COL26A1: variants seen among roughly 807,000 people sequenced by gnomAD.
COL26A1 encodes the protein collagen alpha-1(XXVI) chain.
A neutral mutation model predicts 59.3 loss-of-function variants in COL26A1; 41 were observed. The observed-to-expected ratio is 0.69, with a 90% CI of 0.54 to 0.90. The LOEUF (loss-of-function observed/expected upper bound fraction) is 0.90, where lower values mean the gene tolerates loss of function less well. COL26A1 is among the 40% of genes least tolerant of loss of function. The pLI is 0.00. For missense variants in COL26A1, 612 were observed against 602.3 expected, an observed-to-expected ratio of 1.02 and a Z score of -0.17; for synonymous variants, 266 against 256.0, an observed-to-expected ratio of 1.04 and a Z score of -0.37.
chr7:101,523,803 C>T (rs547797285), intron 3 of COL26A1, among the ~76,000 whole-genome samples: 2 of 151,946 alleles, frequency 1.3e-5, no homozygotes, highest in South Asian at 4.2e-4. Flanking sequence ...TACTTTTGTT[C>T]TTCTTCAAGA....
chr7:101,513,738 G>A (rs1794973054), intron 3 of COL26A1, among the ~76,000 whole-genome samples: 1 of 152,182 alleles, frequency 6.6e-6, no homozygotes, highest in Non-Finnish European at 1.5e-5. Flanking sequence ...TGTGCAATAT[G>A]TGGAGTTAAA....
intron 3 of COL26A1, among the ~76,000 whole-genome samples, chr7:101,489,866 CTTT>C (rs1794408788): frequency 1.9e-5 from 1 of 52,432 alleles, no homozygotes; most frequent in African/African-American, 6.7e-5. Context: ...TTCTTTCTTT[CTTT>C]CTTTCTTTCT....
intron 10 of COL26A1, among the ~76,000 whole-genome samples, chr7:101,551,678 A>C (rs1480508280): frequency 6.6e-6 from 1 of 151,916 alleles, no homozygotes; most frequent in East Asian, 1.9e-4. Context: ...ACCCGGAGGC[A>C]GAGGTTGCAG....
chr7:101,540,316 T>A (rs1391764054), intron 5 of COL26A1, among the ~76,000 whole-genome samples: 1 of 151,984 alleles, frequency 6.6e-6, no homozygotes, highest in African/African-American at 2.4e-5. Flanking sequence ...GAAGGGTGGA[T>A]CATTTGAGGT....
chr7:101,403,062 T>A (rs921552119), intron 1 of COL26A1, among the ~76,000 whole-genome samples: 1 of 152,000 alleles, frequency 6.6e-6, no homozygotes, highest in African/African-American at 2.4e-5. Flanking sequence ...CAGGCTGGTC[T>A]CAAATTCCTG....
intron 3 of COL26A1, among the ~76,000 whole-genome samples, chr7:101,452,618 G>T (rs1279466171): frequency 3.3e-5 from 5 of 152,072 alleles, no homozygotes; most frequent in African/African-American, 1.2e-4. Flanking sequence ...TAGGCTAGAT[G>T]GTCTAGCCTA....
rs549445010 is a variant in COL26A1, at chr7:101,533,204, G to A, written c.447+61G>A. ...GCCTGGGGACCTTGGGTGGTGGAGGGAGGCATCAGGCAACCACTGGGTGTG... is the reference window on the plus strand; with the variant it reads ...GCCTGGGGACCTTGGGTGGTGGAGGAAGGCATCAGGCAACCACTGGGTGTG... On this transcript the variant is annotated intron_variant, in intron 4 of 12. Coordinates refer to ENST00000313669, the MANE Select transcript of COL26A1 (RefSeq NM_001278563.3). The A allele has an allele frequency of 2.0e-5, 25 of 1,275,482 alleles. No homozygotes were observed. In the South Asian group the frequency reaches 3.2e-4, roughly 16 times the overall value. The allele number at this position is 1,275,482 out of a possible 1,614,324, so 79.0% of individuals were successfully genotyped here. A position where few individuals can be genotyped will look rare whatever the true frequency, so the allele number is the denominator to read the frequency against.
intron 1 of COL26A1, among the ~76,000 whole-genome samples, chr7:101,375,600 G>A (rs1435614145): frequency 6.6e-6 from 1 of 152,094 alleles, no homozygotes; most frequent in Non-Finnish European, 1.5e-5. Flanking sequence ...CTTGGGAGGG[G>A]AGGCTGAGGC....
rs879226041 is a variant in COL26A1, at chr7:101,447,673, C to G, written c.282-11C>G. The G allele has an allele frequency of 3.2e-6, 5 of 1,558,312 alleles. No homozygotes were observed. In the African/African-American group the frequency reaches 6.8e-5, roughly 21 times the overall value. ...GGAGCTCATGCCCCCCTGACGCTGTCTGTGTGTTAGTTACAGGACTCTGAT... is the reference window on the plus strand; with the variant it reads ...GGAGCTCATGCCCCCCTGACGCTGTGTGTGTGTTAGTTACAGGACTCTGAT... On this transcript the variant is annotated splice_polypyrimidine_tract_variant and intron_variant, in intron 2 of 12. Coordinates refer to ENST00000313669, the MANE Select transcript of COL26A1 (RefSeq NM_001278563.3).
At chr7:101,533,015 G>T in intron 3 of COL26A1, 67 bp from the exon 4 acceptor site, 1 of 1,233,358 alleles carries the variant, frequency 8.1e-7, no homozygotes, top group Non-Finnish European at 1.2e-6. Context: ...AGGCTATCCT[G>T]GTGACTGGGC....
At chr7:101,459,530 G>C (rs536303643) in intron 3 of COL26A1, among the ~76,000 whole-genome samples, 1 of 146,456 alleles carries the variant, frequency 6.8e-6, no homozygotes, top group Non-Finnish European at 1.5e-5. Context: ...GGATGGTCTC[G>C]ATCTCCTGAC....
At chr7:101,364,021 G>C (rs1790979631) in intron 1 of COL26A1, among the ~76,000 whole-genome samples, 1 of 152,242 alleles carries the variant, frequency 6.6e-6, no homozygotes, top group South Asian at 2.1e-4. Flanking sequence ...GGCTGGGATC[G>C]GGTGGCTCCG....
At chr7:101,414,905 C>T (rs539044474) in intron 1 of COL26A1, among the ~76,000 whole-genome samples, 30 of 152,314 alleles carry the variant, frequency 2.0e-4, no homozygotes, top group African/African-American at 6.7e-4. Flanking sequence ...TCCCGCCAGT[C>T]CTCGGGTCAG....
At chr7:101,458,079 A>G (rs1378289558) in intron 3 of COL26A1, among the ~76,000 whole-genome samples, 1 of 151,938 alleles carries the variant, frequency 6.6e-6, no homozygotes, top group East Asian at 1.9e-4. Context: ...TATTTTTAGT[A>G]GAGATGGGCT....
intron 12 of COL26A1, among the ~76,000 whole-genome samples, chr7:101,556,946 T>C (rs2130694160): frequency 6.6e-6 from 1 of 151,166 alleles, no homozygotes; most frequent in South Asian, 2.1e-4. Context: ...CATAGATGAA[T>C]CAATGAGTGG....
intron 1 of COL26A1, among the ~76,000 whole-genome samples, chr7:101,398,766 G>A (rs542156000): frequency 2.6e-5 from 4 of 152,256 alleles, no homozygotes; most frequent in Admixed American, 1.3e-4. Context: ...TCAGAGGGCC[G>A]CTGCAGAGGA....
intron 2 of COL26A1, among the ~76,000 whole-genome samples, chr7:101,440,335 C>T (rs538058357): frequency 2.0e-5 from 3 of 152,102 alleles, no homozygotes; most frequent in Non-Finnish European, 4.4e-5. Context: ...CACTACACTC[C>T]AGCCGGGGCA....
intron 3 of COL26A1, among the ~76,000 whole-genome samples, chr7:101,485,906 C>T (rs1016667696): frequency 6.6e-6 from 1 of 152,254 alleles, no homozygotes; most frequent in South Asian, 2.1e-4. Context: ...GGCACGATGG[C>T]TCACATCTGT....
chr7:101,365,852 C>T (rs542971129), intron 1 of COL26A1, among the ~76,000 whole-genome samples: 21 of 151,872 alleles, frequency 1.4e-4, no homozygotes, highest in South Asian at 2.1e-4. Flanking sequence ...GCCTGAAATA[C>T]GCCTGCAAAA....
Sources: allele counts gnomAD v4.1 joint callset (sites outside exome capture counted in the v4.1 genomes callset), GRCh38; gene constraint gnomAD v4.1.1; transcripts MANE v1.5; gene names NCBI Gene and HGNC (gene_info 2026-07-23, HGNC 2026-07-21).